Variants in MICAL3 observed in about 807,000 individuals in gnomAD.
The protein encoded by MICAL3 is [F-actin]-monooxygenase MICAL3.
In MICAL3, 62 loss-of-function variants were observed where a neutral mutation model predicts 207.4. The observed-to-expected ratio is 0.30, with a 90% confidence interval of 0.24 to 0.37. MICAL3 has a LOEUF of 0.37. MICAL3 is among the 10% of genes least tolerant of loss of function. MICAL3 has a pLI of 1.00. For synonymous variants in MICAL3, 1,077 were observed against 1,069.3 expected, an observed-to-expected ratio of 1.01 and a Z score of -0.14; for missense variants, 2,368 against 2,635.6, an observed-to-expected ratio of 0.90 and a Z score of 2.22.
intron 16 of MICAL3, among the ~76,000 whole-genome samples, chr22:17,878,153 T>C (rs1034013994): frequency 1.3e-5 from 2 of 151,312 alleles, no homozygotes; most frequent in African/African-American, 4.9e-5. Context: ...GCACCCGGCC[T>C]TCCCCTCCCT....
intron 1 of MICAL3, among the ~76,000 whole-genome samples, chr22:17,971,776 C>T (rs1935423795): frequency 6.6e-6 from 1 of 152,206 alleles, no homozygotes; most frequent in Non-Finnish European, 1.5e-5. Context: ...TCGGAAGGGG[C>T]CCCCTGGCCC....
chr22:17,812,230 C>T (rs529101373), intron 27 of MICAL3, among the ~76,000 whole-genome samples: 44 of 152,268 alleles, frequency 2.9e-4, no homozygotes, highest in Non-Finnish European at 5.9e-4. Context: ...AACTGCCCCT[C>T]TCTGGGGTGC....
Position 17,790,348 on chromosome 22 carries a change from C to T in MICAL3, c.*384G>A, listed in dbSNP as rs2061814047. On this transcript the variant is annotated 3_prime_UTR_variant, in exon 32 of 32. Transcript: ENST00000441493. ...CCAGGGAGCATGAAGAAGACAGTGC[C>T]CCTCGCACGGCGCACTGTGGTTCTG... 4.8e-6 allele frequency: 1 copy of T among 208,172 alleles called. No individual in the cohort carries two copies. Among genetic ancestry groups the T allele is most frequent in the African/African-American group, 2.3e-5 (1 of 43,532 alleles). The allele number at this position is 208,172 out of a possible 1,614,324, so 12.9% of individuals were successfully genotyped here. A position where few individuals can be genotyped will look rare whatever the true frequency, so the allele number is the denominator to read the frequency against.
chr22:17,883,927 G>A (rs5992890), intron 16 of MICAL3, among the ~76,000 whole-genome samples: 2,900 of 152,200 alleles, frequency 0.019, 87 homozygotes, highest in African/African-American at 0.063. Flanking sequence ...CCAAGGTCAC[G>A]AGGAAACATG....
At chr22:17,874,592 C>G (rs567434884) in intron 16 of MICAL3, among the ~76,000 whole-genome samples, 1 of 152,332 alleles carries the variant, frequency 6.6e-6, no homozygotes, top group South Asian at 2.1e-4. Flanking sequence ...GACAAGCATC[C>G]CTGCAAGAGA....
chr22:17,870,829 A>AT (rs1927652096), intron 17 of MICAL3, among the ~76,000 whole-genome samples: 2 of 152,302 alleles, frequency 1.3e-5, no homozygotes, highest in Admixed American at 1.3e-4. Context: ...GCCAGGCACC[A>AT]TGACAGGAGT....
intron 1 of MICAL3, among the ~76,000 whole-genome samples, chr22:18,014,025 G>A (rs752610074): frequency 1.7e-4 from 26 of 151,830 alleles, no homozygotes; most frequent in Non-Finnish European, 3.4e-4. Context: ...TCAAACTCCT[G>A]GCCTCAAGGA....
Position 17,808,809 on chromosome 22 carries a change from C to A in MICAL3, c.5650+35G>T. The A allele has an allele frequency of 2.6e-6, 4 of 1,534,994 alleles. No individual in the cohort carries two copies. The East Asian group carries it at 9.8e-5, about 38-fold the overall frequency. On this transcript the variant is annotated intron_variant, in intron 29 of 31. Coordinates refer to ENST00000441493, the MANE Select transcript of MICAL3 (RefSeq NM_015241.3). ...ACCACGGCGGGAGGGAGGGCTTCCT[C>A]CAGGAGCAGAGCTTAGGAGGGAGCC...
chr22:17,997,591 C>T (rs572736026), intron 1 of MICAL3, among the ~76,000 whole-genome samples: 1 of 152,238 alleles, frequency 6.6e-6, no homozygotes, highest in East Asian at 1.9e-4. Flanking sequence ...CTCAGGCCTG[C>T]CCATTAGTCA....
intron 1 of MICAL3, among the ~76,000 whole-genome samples, chr22:18,015,899 C>T (rs449826): frequency 0.083 from 12,602 of 152,198 alleles, 637 homozygotes; most frequent in Middle Eastern, 0.16. Flanking sequence ...AAATTTTAAA[C>T]TGTCCCTATA....
At chr22:18,001,861 C>T (rs1300024279) in intron 1 of MICAL3, among the ~76,000 whole-genome samples, 2 of 152,206 alleles carry the variant, frequency 1.3e-5, no homozygotes, top group Non-Finnish European at 2.9e-5. Flanking sequence ...ACCCGGTGGG[C>T]ATATCAAAGC....
intron 1 of MICAL3, among the ~76,000 whole-genome samples, chr22:18,018,048 G>A (rs1251617400): frequency 6.6e-5 from 10 of 151,060 alleles, no homozygotes; most frequent in East Asian, 3.9e-4. Flanking sequence ...GCGCCCGGCC[G>A]TATTTTTAAT....
chr22:17,918,521 T>C lies in MICAL3; in HGVS notation c.-74-11635A>G, dbSNP rs148040718. 8.6e-3 allele frequency among the ~76,000 whole-genome samples: 1,304 copies of C among 152,218 alleles called. 19 individuals carry two copies. The highest frequency in any genetic ancestry group is 0.029 in the African/African-American group (1,219 of 41,528). ...CTGCTCTGTCTGCAGCAGCAGCACA[T>C]ATCACGTAGCCTCTAGAAAAGGCCA... On this transcript the variant is annotated intron_variant, in intron 1 of 31. Coordinates refer to ENST00000441493, the MANE Select transcript of MICAL3 (RefSeq NM_015241.3).
At chr22:17,958,951 T>A (rs1395752832) in intron 1 of MICAL3, among the ~76,000 whole-genome samples, 2 of 150,112 alleles carry the variant, frequency 1.3e-5, no homozygotes, top group African/African-American at 2.4e-5. Context: ...GGTGATCTGC[T>A]CGCCTCGGCC....
At chr22:17,963,458 A>G (rs1347003407) in intron 1 of MICAL3, among the ~76,000 whole-genome samples, 2 of 152,094 alleles carry the variant, frequency 1.3e-5, no homozygotes, top group Non-Finnish European at 2.9e-5. Flanking sequence ...AGGACCTGAC[A>G]GTCCCTATCT....
At chr22:17,853,313 T>C (rs1427292483) in intron 19 of MICAL3, among the ~76,000 whole-genome samples, 1 of 152,210 alleles carries the variant, frequency 6.6e-6, no homozygotes, top group African/African-American at 2.4e-5. Flanking sequence ...CCCACTCTGC[T>C]GCAGCCTGGA....
rs552258447 is a variant in MICAL3 at position 17,970,259 on chromosome 22, G to C, written c.-75+54022C>G. On this transcript the variant is annotated intron_variant, in intron 1 of 31. Coordinates refer to ENST00000441493, the MANE Select transcript of MICAL3 (RefSeq NM_015241.3). ...TGTTGTTGAATGGGATTTGAGAATGGACGCCAGGTTCTAAATCTGCCATTC... is the reference window on the plus strand; with the variant it reads ...TGTTGTTGAATGGGATTTGAGAATGCACGCCAGGTTCTAAATCTGCCATTC... Among the ~76,000 whole-genome samples the C allele has an allele frequency of 3.0e-4, 46 of 152,356 alleles. No individual in the cohort carries two copies. In the South Asian group the frequency reaches 9.3e-3, roughly 31 times the overall value.
chr22:17,860,147 C>T (rs1926357983), intron 19 of MICAL3: 3 of 965,660 alleles, frequency 3.1e-6, no homozygotes, highest in Non-Finnish European at 3.7e-6. Context: ...AAAAGAAAAA[C>T]TCAGAAATCC....
In MICAL3 at chr22:17,862,692, GCCCATAATCCTGTT is replaced by G. The variant is rs374616369; in HGVS notation, c.2605+2193_2605+2206del. 53 of 985,424 alleles carry G rather than the reference GCCCATAATCCTGTT, an allele frequency of 5.4e-5. No homozygotes were observed. In the Middle Eastern group the frequency reaches 1.6e-3, roughly 29 times the overall value. 61.0% of individuals were successfully genotyped at this position (985,424 alleles called of 1,614,324 possible). A position where few individuals can be genotyped will look rare whatever the true frequency, so the allele number is the denominator to read the frequency against. On this transcript the variant is annotated intron_variant, in intron 19 of 31. Coordinates refer to ENST00000441493, the MANE Select transcript of MICAL3 (RefSeq NM_015241.3). ...TATTTCATGCCAGCCATAAAATACTGCCCATAATCCTGTTCCTTTTCTACCAAGGCTAGCAGCAG... is the reference window on the plus strand; with the variant it reads ...TATTTCATGCCAGCCATAAAATACTGCCTTTTCTACCAAGGCTAGCAGCAG...
Sources: gnomAD v4.1 joint callset for allele counts (sites outside exome capture counted in the v4.1 genomes callset) on GRCh38, gnomAD v4.1.1 for gene constraint, MANE v1.5 for transcripts, NCBI Gene and HGNC (gene_info 2026-07-23, HGNC 2026-07-21) for gene names.